Variants in CNOT10 observed in about 807,000 individuals in gnomAD.
CNOT10 encodes the protein CCR4-NOT transcription complex, subunit 10.
Under a neutral mutation model 94.6 loss-of-function variants are expected in CNOT10, and 30 were observed. That is an observed-to-expected ratio of 0.32 (90% CI 0.24 to 0.43). The LOEUF is 0.43. CNOT10 is among the 20% of genes least tolerant of loss of function. The pLI, the probability that CNOT10 is intolerant of heterozygous loss-of-function variation, is 1.00. For synonymous variants in CNOT10, 289 were observed against 301.6 expected (o/e 0.96, Z 0.43); for missense variants, 759 against 877.2 (o/e 0.87, Z 1.70).
intron 10 of CNOT10, among the ~76,000 whole-genome samples, chr3:32,729,973 T>C (rs1453647410): frequency 6.6e-6 from 1 of 151,460 alleles, no homozygotes; most frequent in Non-Finnish European, 1.5e-5. Flanking sequence ...TTTCACCGTT[T>C]TAGCCGGGAT....
At chr3:32,685,666 A>G (rs1696564584) in intron 1 of CNOT10, among the ~76,000 whole-genome samples, 184 bp downstream of exon 1, 1 of 152,086 alleles carries the variant, frequency 6.6e-6, no homozygotes, top group Non-Finnish European at 1.5e-5. Context: ...CGGGTCCAAT[A>G]GTTGTTTTAC....
intron 15 of CNOT10, 54 bp downstream of exon 15, chr3:32,762,917 T>C (rs762461862): frequency 2.1e-6 from 3 of 1,450,240 alleles, no homozygotes; most frequent in Non-Finnish European, 2.7e-6. Context: ...TTCCCTCCTG[T>C]CATAATTCAG....
chr3:32,695,423 G>T, intron 1 of CNOT10: 1 of 641,386 alleles, frequency 1.6e-6, no homozygotes, highest in South Asian at 2.9e-5. Flanking sequence ...TTTTTCTTTG[G>T]AAAAGTTTTC....
At chr3:32,745,475 T>TACTCAC (rs55661220) in intron 13 of CNOT10, among the ~76,000 whole-genome samples, 1 of 152,098 alleles carries the variant, frequency 6.6e-6, no homozygotes, top group Non-Finnish European at 1.5e-5. Context: ...AAGGATTGAA[T>TACTCAC]AAACATTCTG....
chr3:32,720,100 T>C lies in CNOT10; in HGVS notation c.745-14T>C. Reference sequence around the variant, plus strand: ...GAAAACAAATTATAAGTAACTTTTATATTTTCTCTACAGTCCGCACCCTCT... The same window carrying C: ...GAAAACAAATTATAAGTAACTTTTACATTTTCTCTACAGTCCGCACCCTCT... On this transcript the variant is annotated splice_polypyrimidine_tract_variant and intron_variant, in intron 7 of 18. Coordinates refer to ENST00000328834, the MANE Select transcript of CNOT10 (RefSeq NM_015442.3). 7.5e-7 allele frequency: 1 copy of C among 1,340,724 alleles called. No individual in the cohort carries two copies. Among genetic ancestry groups the C allele is most frequent in the Non-Finnish European group, 1.0e-6 (1 of 969,204 alleles). 83.1% of individuals were successfully genotyped at this position (1,340,724 alleles called of 1,614,324 possible). A position where few individuals can be genotyped will look rare whatever the true frequency, so the allele number is the denominator to read the frequency against.
intron 13 of CNOT10, among the ~76,000 whole-genome samples, chr3:32,749,033 G>A (rs1418461746): frequency 2.6e-5 from 4 of 151,876 alleles, no homozygotes; most frequent in South Asian, 2.1e-4. Flanking sequence ...TCTTGGCCAG[G>A]CTCGTCTCGA....
At chr3:32,704,138 G>A (rs1301510983) in intron 2 of CNOT10, among the ~76,000 whole-genome samples, 176 bp downstream of exon 2, 1 of 152,166 alleles carries the variant, frequency 6.6e-6, no homozygotes, top group African/African-American at 2.4e-5. Flanking sequence ...ATGGTGAAAG[G>A]AATGGGAATA....
chr3:32,746,871 A>G (rs988123692), intron 13 of CNOT10, among the ~76,000 whole-genome samples: 14 of 143,748 alleles, frequency 9.7e-5, no homozygotes, highest in African/African-American at 2.1e-4. Context: ...ATGCACTCCT[A>G]TGAGAATCTA....
intron 10 of CNOT10, among the ~76,000 whole-genome samples, chr3:32,731,969 C>A (rs936959634): frequency 1.3e-5 from 2 of 152,110 alleles, no homozygotes; most frequent in Non-Finnish European, 2.9e-5. Flanking sequence ...GTCCCAGCTA[C>A]TCAGGAGGCT....
At chr3:32,726,811 A>T (rs975673480) in intron 9 of CNOT10, among the ~76,000 whole-genome samples, 9 of 149,566 alleles carry the variant, frequency 6.0e-5, no homozygotes, top group Middle Eastern at 7.0e-3. Context: ...TGAACACATG[A>T]CAATAAAATG....
intron 13 of CNOT10, among the ~76,000 whole-genome samples, chr3:32,756,256 G>A (rs1047066130): frequency 1.3e-5 from 2 of 152,138 alleles, no homozygotes; most frequent in African/African-American, 4.8e-5. Flanking sequence ...CAGAATGTCA[G>A]CCCTAAAGTT....
chr3:32,754,262 G>A (rs997316949), intron 13 of CNOT10, among the ~76,000 whole-genome samples: 6 of 151,136 alleles, frequency 4.0e-5, no homozygotes, highest in Non-Finnish European at 8.8e-5. Flanking sequence ...AGGATCATGA[G>A]GTCAGGAGAT....
At chr3:32,692,927 C>A (rs1042849422) in intron 1 of CNOT10, among the ~76,000 whole-genome samples, 1 of 152,068 alleles carries the variant, frequency 6.6e-6, no homozygotes, top group Admixed American at 6.6e-5. Flanking sequence ...TGCCTGTAGT[C>A]CCAGCTACTT....
At position 32,690,799 on chromosome 3, in the gene CNOT10, G is replaced by A. The variant is rs1032612012; in HGVS notation, c.22+5317G>A. Reference sequence around the variant, plus strand: ...CCTGACCTCATGATCCGCCCGCCTCGGCCTCCCAAAGTGCTGGGATTACAG... The same window carrying A: ...CCTGACCTCATGATCCGCCCGCCTCAGCCTCCCAAAGTGCTGGGATTACAG... On this transcript the variant is annotated intron_variant, in intron 1 of 18. Transcript: ENST00000328834. 1.6e-4 allele frequency among the ~76,000 whole-genome samples: 25 copies of A among 151,878 alleles called. 1 individual carries two copies. In the South Asian group the frequency reaches 4.0e-3, roughly 24 times the overall value.
At chr3:32,733,611 TA>T in intron 11 of CNOT10, 67 bp downstream of exon 11, 1 of 1,102,578 alleles carries the variant, frequency 9.1e-7, no homozygotes, top group Non-Finnish European at 1.3e-6. Context: ...TACTTATATA[TA>T]AAAGTATGAT....
chr3:32,710,605 TTC>T (rs1697841894), intron 4 of CNOT10, among the ~76,000 whole-genome samples: 1 of 152,174 alleles, frequency 6.6e-6, no homozygotes, highest in African/African-American at 2.4e-5. Context: ...GCCCTAAGAA[TTC>T]TGTGTTGTGC....
intron 1 of CNOT10, among the ~76,000 whole-genome samples, chr3:32,698,493 C>T (rs1029236637): frequency 1.3e-5 from 2 of 152,030 alleles, no homozygotes; most frequent in African/African-American, 4.8e-5. Flanking sequence ...TTGAATTTTA[C>T]TGTTAATTTT....
At chr3:32,745,184 TC>T (rs1699638956) in intron 13 of CNOT10, among the ~76,000 whole-genome samples, 1 of 152,136 alleles carries the variant, frequency 6.6e-6, no homozygotes, top group African/African-American at 2.4e-5. Context: ...CAGCCTTCTC[TC>T]ATATACTTTA....
At chr3:32,707,075 CTTAGAG>C (rs1399475676) in intron 3 of CNOT10, among the ~76,000 whole-genome samples, 6 of 152,138 alleles carry the variant, frequency 3.9e-5, no homozygotes, top group Non-Finnish European at 5.9e-5. Flanking sequence ...AAGTGTTGGT[CTTAGAG>C]TTAATTACTT....
Sources: allele counts gnomAD v4.1 joint callset (sites outside exome capture counted in the v4.1 genomes callset), GRCh38; gene constraint gnomAD v4.1.1; transcripts MANE v1.5; gene names NCBI Gene and HGNC (gene_info 2026-07-23, HGNC 2026-07-21).